ZFHX4: variants seen among roughly 807,000 people sequenced by gnomAD.
ZFHX4 encodes zinc finger homeobox protein 4.
Under a neutral mutation model 267.6 loss-of-function variants are expected in ZFHX4, and 56 were observed. That is an observed-to-expected ratio of 0.21 (90% CI 0.17 to 0.26). The LOEUF (loss-of-function observed/expected upper bound fraction) is 0.26. ZFHX4 is among the 10% of genes least tolerant of loss of function. The pLI is 1.00. For synonymous variants in ZFHX4, 1,778 were observed against 1,665.6 expected, an observed-to-expected ratio of 1.07 and a Z score of -1.64; for missense variants, 4,332 against 4,420.0, an observed-to-expected ratio of 0.98 and a Z score of 0.56.
At chr8:76,738,686 C>T (rs1265792648) in intron 3 of ZFHX4, among the ~76,000 whole-genome samples, 4 of 141,416 alleles carry the variant, frequency 2.8e-5, no homozygotes, top group African/African-American at 1.1e-4. Flanking sequence ...TTCCTCCCTC[C>T]CTCCTCCCTC....
At position 76,852,454 on chromosome 8, in the gene ZFHX4, G is replaced by A; in HGVS notation, c.5533G>A (p.Asp1845Asn). Residue 1845 changes from aspartate (D) to asparagine (N), a missense_variant, in exon 10 of 11, where the codon GAC (aspartate) becomes AAC (asparagine). Physicochemically the swap from Asp to Asn is conservative, Grantham distance 23. Around this residue, in one of 7 missense-constraint regions of ZFHX4, gnomAD observed 1,371 missense variants for 1,423.1 expected, o/e 0.96. Transcript: ENST00000651372. ...KQEQSNIVSADCQIMKDVPSY... is the reference protein window; with the variant it reads ...KQEQSNIVSANCQIMKDVPSY... ...AGAGCAAAGTAACATAGTGAGTGCA[G>A]ACTGCCAAATCATGAAGGATGTGCC... 1 of 1,568,962 alleles carries A rather than the reference G, an allele frequency of 6.4e-7. No homozygotes were observed.
At chr8:76,842,611 T>C in intron 5 of ZFHX4, 44 bp from the exon 6 acceptor site, 2 of 1,437,836 alleles carry the variant, frequency 1.4e-6, no homozygotes, top group Non-Finnish European at 1.9e-6. Context: ...TGTGAACTTT[T>C]GGGCGGTTTT....
chr8:76,793,768 C>G (rs150992710), intron 4 of ZFHX4, among the ~76,000 whole-genome samples: 191 of 151,904 alleles, frequency 1.3e-3, no homozygotes, highest in African/African-American at 4.1e-3. Flanking sequence ...TTTTCTTTTT[C>G]CTTTCTCATT....
chr8:76,762,717 AAAG>A (rs1322225919), intron 3 of ZFHX4, among the ~76,000 whole-genome samples: 1 of 152,220 alleles, frequency 6.6e-6, no homozygotes, highest in African/African-American at 2.4e-5. Context: ...TTCCTAGAGA[AAAG>A]ATACAGTCAA....
At chr8:76,815,226 G>A (rs750564645) in intron 4 of ZFHX4, among the ~76,000 whole-genome samples, 3 of 152,094 alleles carry the variant, frequency 2.0e-5, no homozygotes, top group Admixed American at 1.3e-4. Context: ...GGACAAGAAG[G>A]TTAATAATGT....
intron 1 of ZFHX4, among the ~76,000 whole-genome samples, chr8:76,696,080 C>T (rs1261893662): frequency 1.3e-5 from 2 of 152,112 alleles, no homozygotes; most frequent in Non-Finnish European, 2.9e-5. Context: ...AGTAAATAAA[C>T]CTGCAAACCT....
At chr8:76,849,412 A>T in intron 7 of ZFHX4, 100 bp from the exon 8 acceptor site, 1 of 1,096,274 alleles carries the variant, frequency 9.1e-7, no homozygotes, top group Non-Finnish European at 1.4e-6. Context: ...CATTGTAAGC[A>T]TGTACCAAAA....
At chr8:76,753,050 G>A (rs1216020737) in intron 3 of ZFHX4, among the ~76,000 whole-genome samples, 1 of 152,132 alleles carries the variant, frequency 6.6e-6, no homozygotes, top group Admixed American at 6.5e-5. Flanking sequence ...TAGAGATAGG[G>A]TTGCAAATAG....
chr8:76,847,257 G>T (rs1812387199), intron 6 of ZFHX4, among the ~76,000 whole-genome samples: 1 of 151,968 alleles, frequency 6.6e-6, no homozygotes, highest in Non-Finnish European at 1.5e-5. Flanking sequence ...TTTGATTCCA[G>T]ACTTAATTAT....
At chr8:76,718,705 A>G (rs1402533518) in intron 3 of ZFHX4, among the ~76,000 whole-genome samples, 4 of 152,144 alleles carry the variant, frequency 2.6e-5, no homozygotes, top group Non-Finnish European at 1.5e-5. Flanking sequence ...ATGAAGGTAG[A>G]GCTACTCTCT....
chr8:76,684,471 T>C (rs922087555), intron 1 of ZFHX4, among the ~76,000 whole-genome samples: 1 of 152,224 alleles, frequency 6.6e-6, no homozygotes, highest in African/African-American at 2.4e-5. Context: ...TTTTATTCAG[T>C]TGCTGGTTGA....
chr8:76,855,814 G>A lies in ZFHX4; in HGVS notation c.8893G>A (p.Glu2965Lys). The A allele has an allele frequency of 6.2e-7, 1 of 1,613,916 alleles. No homozygotes were observed. The highest frequency in any genetic ancestry group is 8.5e-7 in the Non-Finnish European group (1 of 1,179,846). The change falls in exon 10 of 11, where the codon GAG becomes AAG. Residue 2965 changes from glutamate (E) to lysine (K), a missense_variant. Transcript: ENST00000651372. ...TMQECEMLGN[E>K]IGLPKRVVQV... is the part of the protein sequence containing the mutation. ...GCAAGAATGTGAAATGTTAGGGAAT[G>A]AGATTGGTCTGCCCAAACGCGTAGT...
chr8:76,709,055 G>A (rs1808353771), intron 3 of ZFHX4, among the ~76,000 whole-genome samples: 2 of 152,054 alleles, frequency 1.3e-5, no homozygotes, highest in Non-Finnish European at 2.9e-5. Flanking sequence ...TATACTATCA[G>A]GAGTCAACCA....
intron 1 of ZFHX4, among the ~76,000 whole-genome samples, chr8:76,691,488 A>G (rs1807822532): frequency 6.6e-6 from 1 of 152,120 alleles, no homozygotes; most frequent in Admixed American, 6.6e-5. Context: ...AATAACACCT[A>G]GTTAAGACCA....
intron 6 of ZFHX4, 72 bp downstream of exon 6, chr8:76,842,843 T>C: frequency 3.8e-6 from 4 of 1,044,010 alleles, no homozygotes; most frequent in Non-Finnish European, 5.6e-6. Flanking sequence ...TCCTTCACCA[T>C]CCCCCCACCC....
chr8:76,684,194 C>T (rs1295119431), intron 1 of ZFHX4, among the ~76,000 whole-genome samples: 2 of 151,614 alleles, frequency 1.3e-5, no homozygotes, highest in Non-Finnish European at 2.9e-5. Flanking sequence ...TGGAGTTTTC[C>T]TTTTCCACTG....
In ZFHX4 at chr8:76,704,624, A is replaced by G. The variant is rs778222941; in HGVS notation, c.536A>G (p.Gln179Arg). ...GCATCTGCTGGAGAGAAGAGTGATC[A>G]GTCTGCTTCTGCACCTATGTCGTTC... ...SLASAGEKSDQSASAPMSFYP... is the reference protein window; with the variant it reads ...SLASAGEKSDRSASAPMSFYP... Residue 179 changes from glutamine to arginine, a missense_variant, in exon 2 of 11, where the codon CAG becomes CGG. Transcript: ENST00000651372. 6.2e-7 allele frequency: 1 copy of G among 1,614,046 alleles called. No homozygotes were observed. Among genetic ancestry groups the G allele is most frequent in the Non-Finnish European group, 8.5e-7 (1 of 1,179,908 alleles).
chr8:76,686,808 G>A (rs1807703325), intron 1 of ZFHX4, among the ~76,000 whole-genome samples: 1 of 151,986 alleles, frequency 6.6e-6, no homozygotes, highest in Admixed American at 6.6e-5. Context: ...CTTATCCCTG[G>A]TCTCTAGCAC....
At chr8:76,784,121 T>A (rs1810624459) in intron 4 of ZFHX4, among the ~76,000 whole-genome samples, 1 of 151,990 alleles carries the variant, frequency 6.6e-6, no homozygotes. Context: ...ACAAATAAGA[T>A]TAGATTGCCA....
Sources: gnomAD v4.1 joint callset for allele counts (sites outside exome capture counted in the v4.1 genomes callset) on GRCh38, gnomAD v4.1.1 for gene constraint, gnomAD v4.1.1 regional missense constraint, MANE v1.5 for transcripts, NCBI Gene and HGNC (gene_info 2026-07-23, HGNC 2026-07-21) for gene names.